The following TMEM230 variants were observed in gnomAD, a reference collection of about 807,000 sequenced individuals.
TMEM230 encodes UPF0414 transmembrane protein C20orf30.
Under a neutral mutation model 15.8 loss-of-function variants are expected in TMEM230, and 10 were observed. The ratio of observed to expected loss-of-function variants is 0.63; its 90% CI spans 0.39 to 1.07. The LOEUF (loss-of-function observed/expected upper bound fraction) is 1.07, where lower values mean the gene tolerates loss of function less well. Among genes scored for constraint, TMEM230 ranks in the 50% least tolerant of loss-of-function variants. The probability of loss-of-function intolerance (pLI) is 0.01; values close to 1 mark genes in which losing one functional copy is unlikely to be tolerated. For missense variants in TMEM230, 165 were observed against 193.3 expected (o/e 0.85, Z 0.87); for synonymous variants, 67 against 76.9 (o/e 0.87, Z 0.68).
intron 3 of TMEM230, among the ~76,000 whole-genome samples, chr20:5,082,051 T>C (rs2089196371): frequency 6.7e-6 from 1 of 150,014 alleles, no homozygotes; most frequent in African/African-American, 2.5e-5. Context: ...TTTTTATGTC[T>C]TTTTTTTTCT....
At chr20:5,074,713 C>T (rs959690545) in intron 3 of TMEM230, among the ~76,000 whole-genome samples, 3 of 151,948 alleles carry the variant, frequency 2.0e-5, no homozygotes, top group Admixed American at 1.3e-4. Flanking sequence ...CCAAGGCAGG[C>T]GAATCACTTG....
chr20:5,086,173 T>A (rs2089331619), intron 3 of TMEM230, among the ~76,000 whole-genome samples: 1 of 149,452 alleles, frequency 6.7e-6, no homozygotes, highest in Non-Finnish European at 1.5e-5. Context: ...GGTGGGAGGA[T>A]CACTTGAGCA....
At position 5,100,610 on chromosome 20, in the gene TMEM230, G is replaced by A; in HGVS notation, c.*181C>T. 1 of 1,400,974 alleles carries A rather than the reference G, an allele frequency of 7.1e-7. No individual in the cohort carries two copies. Among genetic ancestry groups the A allele is most frequent in the Non-Finnish European group, 9.3e-7 (1 of 1,079,818 alleles). The allele number at this position is 1,400,974 out of a possible 1,614,324, so 86.8% of individuals were successfully genotyped here. A position where few individuals can be genotyped will look rare whatever the true frequency, so the allele number is the denominator to read the frequency against. ...GGCCCAGGGATGAAAAATAGAGCTT[G>A]TCCTAATTAGCTAACTGTAGGTTCA... On this transcript the variant is annotated 3_prime_UTR_variant, in exon 5 of 5. Transcript: ENST00000342308.
chr20:5,065,999 G>T (rs1013958), downstream of TMEM230: 2,515 of 152,508 alleles, frequency 0.016, 75 homozygotes, highest in African/African-American at 0.057. Context: ...ACAAGTTCCC[G>T]GTTTTGGCAT....
At chr20:5,070,577 T>C (rs1374266789) in intron 3 of TMEM230, among the ~76,000 whole-genome samples, 2 of 152,210 alleles carry the variant, frequency 1.3e-5, no homozygotes, top group African/African-American at 4.8e-5. Flanking sequence ...CTCTGCCATA[T>C]TCCTGATCCA....
Position 5,100,451 on chromosome 20 carries a change from A to G in TMEM230, c.*340T>C. The G allele has an allele frequency of 9.7e-7, 1 of 1,027,350 alleles. No individual in the cohort carries two copies. Among genetic ancestry groups the G allele is most frequent in the Non-Finnish European group, 1.2e-6 (1 of 855,208 alleles). The allele number at this position is 1,027,350 out of a possible 1,614,324, so 63.6% of individuals were successfully genotyped here. A position where few individuals can be genotyped will look rare whatever the true frequency, so the allele number is the denominator to read the frequency against. On this transcript the variant is annotated 3_prime_UTR_variant, in exon 5 of 5. Coordinates refer to ENST00000342308, the MANE Select transcript of TMEM230 (RefSeq NM_001009923.2). ...CATACCACATTGTTCCATTTGCTAC[A>G]AGAACAAATTGGCAATGAAGACTAT... is the stretch of plus-strand genomic sequence containing the variant.
At chr20:5,111,727 C>T (rs2090334938) in intron 1 of TMEM230, 2 of 944,528 alleles carry the variant, frequency 2.1e-6, no homozygotes, top group Admixed American at 6.5e-5. Context: ...TAAAATTCAT[C>T]ATTATCATCA....
chr20:5,099,234 ATC>A (rs2089759679), downstream of TMEM230, among the ~76,000 whole-genome samples: 3 of 63,788 alleles, frequency 4.7e-5, no homozygotes, highest in South Asian at 7.3e-4. Context: ...AAATAAATAA[ATC>A]AATCAATCAA....
chr20:5,111,578 C>A lies in TMEM230; in HGVS notation c.96G>T (p.Leu32=). 6.7e-6 allele frequency: 1 copy of A among 148,850 alleles called. No individual in the cohort carries two copies. Among genetic ancestry groups the A allele is most frequent in the Admixed American group, 8.9e-5 (1 of 11,204 alleles). The allele number at this position is 148,850 out of a possible 1,614,324, so 9.2% of individuals were successfully genotyped here. A position where few individuals can be genotyped will look rare whatever the true frequency, so the allele number is the denominator to read the frequency against. The change falls in exon 2 of 5, where the codon CTG becomes CTT. Residue 32 remains leucine, a synonymous_variant. Transcript: ENST00000342308. ...GAGCTGAGATCACACCACTGGGCTC[C>A]AGCCTGGGCGACAGAACTAGACTCC...
At chr20:5,095,131 T>G (rs735204), downstream of TMEM230, among the ~76,000 whole-genome samples, 82,596 of 151,958 alleles carry the variant, frequency 0.54, 22,962 homozygotes, top group East Asian at 0.84. Flanking sequence ...TCTGGAAGGA[T>G]TAGCATCTTA....
downstream of TMEM230, chr20:5,065,942 G>A (rs1445965176): frequency 2.0e-5 from 3 of 152,558 alleles, no homozygotes; most frequent in Non-Finnish European, 4.4e-5. Flanking sequence ...AGCAGGGGCT[G>A]ATGTGAGGAA....
chr20:5,069,475 G>T, intron 3 of TMEM230: 1 of 942,516 alleles, frequency 1.1e-6, no homozygotes, highest in Non-Finnish European at 1.5e-6. Context: ...CTGAAGGCCT[G>T]TGTGAGGCAG....
At chr20:5,074,083 C>T (rs1421527816) in intron 3 of TMEM230, among the ~76,000 whole-genome samples, 3 of 152,158 alleles carry the variant, frequency 2.0e-5, no homozygotes, top group Non-Finnish European at 2.9e-5. Flanking sequence ...CAAGAGCTCA[C>T]TCATTACCAT....
At chr20:5,099,325 T>C (rs573968331), downstream of TMEM230, among the ~76,000 whole-genome samples, 1 of 152,302 alleles carries the variant, frequency 6.6e-6, no homozygotes, top group South Asian at 2.1e-4. Flanking sequence ...CTCTCCAAGA[T>C]AAAGCTTTAT....
downstream of TMEM230, chr20:5,066,280 T>C (rs1253576393): frequency 6.6e-6 from 1 of 152,232 alleles, no homozygotes; most frequent in African/African-American, 2.4e-5. Context: ...CTTCCTCTAA[T>C]GTTGGACATG....
chr20:5,064,534 C>T (rs1035891008), downstream of TMEM230, among the ~76,000 whole-genome samples: 14 of 152,072 alleles, frequency 9.2e-5, no homozygotes, highest in African/African-American at 3.4e-4. Flanking sequence ...CAAGATCACG[C>T]CATTGCACTC....
chr20:5,108,653 GTAAT>G (rs148388774), intron 3 of TMEM230, among the ~76,000 whole-genome samples: 59 of 152,216 alleles, frequency 3.9e-4, no homozygotes, highest in African/African-American at 1.4e-3. Context: ...GGTCCAAAGA[GTAAT>G]TTATTTATTT....
At chr20:5,070,228 C>T (rs1165923334) in intron 3 of TMEM230, among the ~76,000 whole-genome samples, 2 of 152,082 alleles carry the variant, frequency 1.3e-5, no homozygotes, top group Non-Finnish European at 2.9e-5. Context: ...GTTGATTGTC[C>T]CAGCTGAGTT....
intron 3 of TMEM230, among the ~76,000 whole-genome samples, chr20:5,107,557 T>A (rs1237882856): frequency 6.6e-6 from 1 of 152,228 alleles, no homozygotes; most frequent in African/African-American, 2.4e-5. Context: ...GAAATGACTT[T>A]ACAGTCATTC....
Sources: allele counts gnomAD v4.1 joint callset (sites outside exome capture counted in the v4.1 genomes callset), GRCh38; gene constraint gnomAD v4.1.1; transcripts MANE v1.5; gene names NCBI Gene and HGNC (gene_info 2026-07-23, HGNC 2026-07-21).